GRM7: variants seen among roughly 807,000 people sequenced by gnomAD.
GRM7 encodes metabotropic glutamate receptor 7.
In GRM7, 35 loss-of-function variants were observed where a neutral mutation model predicts 84.5. That is an observed-to-expected ratio of 0.41 (90% CI 0.32 to 0.55). GRM7 has a LOEUF of 0.55. Among genes scored for constraint, GRM7 ranks in the 20% least tolerant of loss-of-function variants. The pLI, the probability that GRM7 is intolerant of heterozygous loss-of-function variation, is 0.19. For missense variants in GRM7, 1,003 were observed against 1,194.6 expected, an observed-to-expected ratio of 0.84 and a Z score of 2.36; for synonymous variants, 487 against 455.1, an observed-to-expected ratio of 1.07 and a Z score of -0.89.
intron 7 of GRM7, among the ~76,000 whole-genome samples, chr3:7,563,926 G>C (rs1694147506): frequency 6.6e-6 from 1 of 152,150 alleles, no homozygotes; most frequent in African/African-American, 2.4e-5. Flanking sequence ...GACCTCCTGG[G>C]CTTACATTCA....
intron 8 of GRM7, among the ~76,000 whole-genome samples, chr3:7,669,639 G>A (rs568991826): frequency 1.3e-5 from 2 of 152,302 alleles, no homozygotes; most frequent in South Asian, 4.1e-4. Flanking sequence ...AGGAGGTCAG[G>A]GGATAGAAGC....
chr3:7,052,826 G>T (rs1365023812), intron 1 of GRM7, among the ~76,000 whole-genome samples: 5 of 149,278 alleles, frequency 3.3e-5, no homozygotes, highest in African/African-American at 9.9e-5. Context: ...CCCATTGAGG[G>T]TTATTAAGGA....
At chr3:7,661,853 T>C (rs1699469084) in intron 8 of GRM7, among the ~76,000 whole-genome samples, 1 of 112,852 alleles carries the variant, frequency 8.9e-6, no homozygotes, top group African/African-American at 2.7e-5. Context: ...GGAAAATACT[T>C]TGGCAATTTT....
At chr3:7,495,960 T>C (rs1575417011) in intron 7 of GRM7, among the ~76,000 whole-genome samples, 1 of 152,352 alleles carries the variant, frequency 6.6e-6, no homozygotes, top group East Asian at 1.9e-4. Context: ...AATGGGTCTA[T>C]GTCCACTTGT....
At chr3:7,522,326 G>GGCAAT (rs3065602) in intron 7 of GRM7, among the ~76,000 whole-genome samples, 152,018 of 152,216 alleles carry the variant, frequency 1, 75,912 homozygotes, top group East Asian at 1. Context: ...ACTAAAAACA[G>GGCAAT]GAACAACAGT....
chr3:7,291,076 T>G (rs1008927981), intron 2 of GRM7, among the ~76,000 whole-genome samples: 20 of 152,020 alleles, frequency 1.3e-4, no homozygotes, highest in Admixed American at 6.6e-5. Context: ...CCACACCCTC[T>G]TCCCAGCATC....
chr3:7,644,605 T>C (rs1346892883), intron 8 of GRM7, among the ~76,000 whole-genome samples: 1 of 152,224 alleles, frequency 6.6e-6, no homozygotes, highest in African/African-American at 2.4e-5. Context: ...GACTGTAACA[T>C]GGTATCTCAG....
intron 4 of GRM7, among the ~76,000 whole-genome samples, chr3:7,408,066 C>T (rs984470803): frequency 5.9e-5 from 9 of 152,122 alleles, no homozygotes; most frequent in African/African-American, 1.9e-4. Flanking sequence ...TGAGAAACTT[C>T]GACCGGTTAG....
chr3:6,887,737 T>A (rs545841789), intron 1 of GRM7, among the ~76,000 whole-genome samples: 9 of 152,160 alleles, frequency 5.9e-5, no homozygotes, highest in Non-Finnish European at 1.0e-4. Flanking sequence ...GTCCTTTGGG[T>A]ATATACCCCG....
chr3:6,948,525 T>C (rs539486889), intron 1 of GRM7, among the ~76,000 whole-genome samples: 3 of 152,342 alleles, frequency 2.0e-5, no homozygotes, highest in South Asian at 4.1e-4. Flanking sequence ...GAAGAATGTA[T>C]ATTCTGTTGA....
At chr3:6,976,068 TG>T (rs1196734272) in intron 1 of GRM7, among the ~76,000 whole-genome samples, 2 of 152,184 alleles carry the variant, frequency 1.3e-5, no homozygotes, top group African/African-American at 2.4e-5. Context: ...ACGGTTGGCC[TG>T]GTCTCTCACT....
intron 8 of GRM7, among the ~76,000 whole-genome samples, chr3:7,668,480 G>A (rs151180660): frequency 0.011 from 1,728 of 152,090 alleles, 42 homozygotes; most frequent in African/African-American, 0.04. Flanking sequence ...TCTCTTTTAC[G>A]CACATGTACA....
chr3:7,573,261 A>G (rs1694798918), intron 7 of GRM7, among the ~76,000 whole-genome samples: 1 of 152,142 alleles, frequency 6.6e-6, no homozygotes, highest in Non-Finnish European at 1.5e-5. Flanking sequence ...ATTTTAATAA[A>G]AAAAGTTCTT....
intron 2 of GRM7, among the ~76,000 whole-genome samples, chr3:7,278,449 ATT>A (rs1422601898): frequency 6.6e-6 from 1 of 152,134 alleles, no homozygotes; most frequent in Non-Finnish European, 1.5e-5. Flanking sequence ...AAAAGATGTC[ATT>A]GTTTTATTAA....
chr3:7,571,655 C>T (rs966169076), intron 7 of GRM7, among the ~76,000 whole-genome samples: 2 of 152,268 alleles, frequency 1.3e-5, no homozygotes, highest in Non-Finnish European at 2.9e-5. Flanking sequence ...TCTTCTGAGC[C>T]CTCCAAACTG....
chr3:7,444,299 C>A (rs1288333359), intron 5 of GRM7, among the ~76,000 whole-genome samples: 1 of 152,028 alleles, frequency 6.6e-6, no homozygotes, highest in African/African-American at 2.4e-5. Context: ...TAAGTCTGTT[C>A]TAGAAAGAAT....
At chr3:7,299,221 T>A (rs1699914592) in intron 3 of GRM7, among the ~76,000 whole-genome samples, 1 of 152,190 alleles carries the variant, frequency 6.6e-6, no homozygotes, top group East Asian at 1.9e-4. Context: ...ATCAAAAACT[T>A]GTCTTAACTC....
chr3:7,428,076 A>C (rs749416077), intron 5 of GRM7, among the ~76,000 whole-genome samples: 1 of 152,178 alleles, frequency 6.6e-6, no homozygotes, highest in South Asian at 2.1e-4. Flanking sequence ...GGAGTGACCT[A>C]TATGTCTGTA....
intron 4 of GRM7, among the ~76,000 whole-genome samples, chr3:7,359,357 A>T (rs1171958973): frequency 8.5e-6 from 1 of 118,110 alleles, no homozygotes; most frequent in Non-Finnish European, 1.7e-5. Context: ...TTTTTTTGAG[A>T]CAGTCTTGCT....
Sources: gnomAD v4.1 joint callset for allele counts (sites outside exome capture counted in the v4.1 genomes callset) on GRCh38, gnomAD v4.1.1 for gene constraint, MANE v1.5 for transcripts, NCBI Gene and HGNC (gene_info 2026-07-23, HGNC 2026-07-21) for gene names.